ROR2: variants seen among roughly 807,000 people sequenced by gnomAD.
ROR2 encodes the protein tyrosine-protein kinase transmembrane receptor ROR2.
A neutral mutation model predicts 74.9 loss-of-function variants in ROR2; 33 were observed. The ratio of observed to expected loss-of-function variants is 0.44; its 90% confidence interval spans 0.33 to 0.59. The LOEUF (loss-of-function observed/expected upper bound fraction) is 0.59. ROR2 is among the 20% of genes least tolerant of loss of function. The pLI is 0.02. For synonymous variants in ROR2, 586 were observed against 558.7 expected (o/e 1.05, Z -0.69); for missense variants, 1,216 against 1,313.8 (o/e 0.93, Z 1.15).
At chr9:91,940,858 T>C (rs1831832670) in intron 1 of ROR2, among the ~76,000 whole-genome samples, 1 of 152,006 alleles carries the variant, frequency 6.6e-6, no homozygotes, top group Admixed American at 6.6e-5. Flanking sequence ...TTCCTCAGCC[T>C]CCCAAAGTGC....
At chr9:91,763,777 T>C (rs1461346642) in intron 2 of ROR2, among the ~76,000 whole-genome samples, 1 of 152,232 alleles carries the variant, frequency 6.6e-6, no homozygotes, top group Non-Finnish European at 1.5e-5. Flanking sequence ...GACCCAAATA[T>C]TGTGTAATAT....
At chr9:91,780,146 C>T (rs1180969996) in intron 1 of ROR2, among the ~76,000 whole-genome samples, 3 of 152,252 alleles carry the variant, frequency 2.0e-5, no homozygotes, top group Non-Finnish European at 4.4e-5. Context: ...AATCCCATCA[C>T]TTTGGGAGGC....
chr9:91,821,114 AAG>A (rs1828126615), intron 1 of ROR2, among the ~76,000 whole-genome samples: 1 of 151,604 alleles, frequency 6.6e-6, no homozygotes, highest in Non-Finnish European at 1.5e-5. Flanking sequence ...AAAAAAAAAA[AAG>A]AAGGGGAAGT....
intron 1 of ROR2, among the ~76,000 whole-genome samples, chr9:91,820,229 A>G (rs1026807457): frequency 5.3e-5 from 8 of 152,228 alleles, no homozygotes; most frequent in Non-Finnish European, 1.0e-4. Context: ...TAAACAAAAC[A>G]ATGTCTGGGA....
chr9:91,811,680 C>T (rs1432019893), intron 1 of ROR2, among the ~76,000 whole-genome samples: 4 of 152,198 alleles, frequency 2.6e-5, no homozygotes, highest in Admixed American at 6.5e-5. Context: ...GCCGGGGATC[C>T]GACAGCCAGG....
Position 91,757,145 on chromosome 9 carries a change from A to G in ROR2, c.463+127T>C, listed in dbSNP as rs188967497. The G allele has an allele frequency of 3.1e-4, 375 of 1,209,554 alleles. 3 individuals are homozygous for G. The East Asian group carries it at 8.5e-3, about 28-fold the overall frequency. The allele number at this position is 1,209,554 out of a possible 1,614,324, so 74.9% of individuals were successfully genotyped here. ...GGGCACATGGGGAAGGCCCTAGGGA[A>G]CGGTTTCATTGCTCTCCCCTCGTGC... is the stretch of plus-strand genomic sequence containing the variant. On this transcript the variant is annotated intron_variant, in intron 3 of 8. Coordinates refer to ENST00000375708, the MANE Select transcript of ROR2 (RefSeq NM_004560.4).
intron 1 of ROR2, among the ~76,000 whole-genome samples, chr9:91,920,912 T>C (rs187537198): frequency 1.8e-4 from 28 of 152,300 alleles, no homozygotes; most frequent in African/African-American, 6.5e-4. Context: ...AAAATGTAAA[T>C]TGGAGGTTTT....
At chr9:91,785,425 A>G (rs1227852169) in intron 1 of ROR2, among the ~76,000 whole-genome samples, 2 of 152,206 alleles carry the variant, frequency 1.3e-5, no homozygotes, top group Non-Finnish European at 2.9e-5. Flanking sequence ...GTGTGCACAC[A>G]TGCATCTGGT....
At chr9:91,765,132 C>G (rs1015208093) in intron 2 of ROR2, among the ~76,000 whole-genome samples, 2 of 152,038 alleles carry the variant, frequency 1.3e-5, no homozygotes, top group Non-Finnish European at 2.9e-5. Context: ...ATTAAATATC[C>G]TTCTAGGTAT....
rs1564230209 is a variant in ROR2, at chr9:91,725,082, G to A, written c.1412C>T (p.Ser471Phe). 5 of 1,614,024 alleles carry A rather than the reference G, an allele frequency of 3.1e-6. No homozygotes were observed. Among genetic ancestry groups the A allele is most frequent in the Non-Finnish European group, 1.7e-6 (2 of 1,180,036 alleles). The change falls in exon 9 of 9, where the codon TCT becomes TTT. Residue 471 changes from serine (S) to phenylalanine (F), a missense_variant. Ser to Phe is a radical substitution (Grantham distance 155, BLOSUM62 -2). Coordinates refer to ENST00000375708, the MANE Select transcript of ROR2 (RefSeq NM_004560.4). ...CAGCTCCTCCATGAACCTCACCGCA[G>A]ACAGGCTGATCTCTTTGAGTTTGGC... is the stretch of plus-strand genomic sequence containing the variant. ...KQAKLKEISL[S>F]AVRFMEELGE...
At chr9:91,878,323 C>G (rs1415553070) in intron 1 of ROR2, among the ~76,000 whole-genome samples, 2 of 152,176 alleles carry the variant, frequency 1.3e-5, no homozygotes, top group Non-Finnish European at 2.9e-5. Flanking sequence ...CATGGCCCTT[C>G]TTCTCCACCT....
At chr9:91,843,812 G>C (rs918688357) in intron 1 of ROR2, among the ~76,000 whole-genome samples, 18 of 152,248 alleles carry the variant, frequency 1.2e-4, no homozygotes, top group Admixed American at 1.1e-3. Flanking sequence ...TCTCATTGAG[G>C]AATGAGTGAC....
chr9:91,826,627 A>C (rs1034814243), intron 1 of ROR2, among the ~76,000 whole-genome samples: 1 of 151,956 alleles, frequency 6.6e-6, no homozygotes, highest in African/African-American at 2.4e-5. Context: ...TAAAAATACA[A>C]AAAGAAATTA....
intron 8 of ROR2, 53 bp downstream of exon 8, chr9:91,726,486 CCT>C: frequency 1.6e-5 from 24 of 1,486,446 alleles, no homozygotes; most frequent in East Asian, 2.3e-5. Flanking sequence ...GGAAACAACC[CCT>C]GAGGATTAAA....
intron 1 of ROR2, among the ~76,000 whole-genome samples, chr9:91,832,139 CT>C (rs1259445619): frequency 6.6e-6 from 1 of 152,110 alleles, no homozygotes; most frequent in Non-Finnish European, 1.5e-5. Flanking sequence ...GCCCAAGGCA[CT>C]CACAGCCAAT....
intron 1 of ROR2, among the ~76,000 whole-genome samples, chr9:91,807,189 T>A (rs1827596768): frequency 6.6e-6 from 1 of 152,132 alleles, no homozygotes; most frequent in African/African-American, 2.4e-5. Flanking sequence ...CCAATCACAT[T>A]TTGACATGGT....
intron 2 of ROR2, among the ~76,000 whole-genome samples, chr9:91,758,821 G>A (rs952795165): frequency 6.6e-6 from 1 of 152,234 alleles, no homozygotes; most frequent in Non-Finnish European, 1.5e-5. Context: ...ACATGTATGT[G>A]TGTGCCTGCA....
At chr9:91,864,418 C>CA (rs1554685536) in intron 1 of ROR2, among the ~76,000 whole-genome samples, 1 of 152,176 alleles carries the variant, frequency 6.6e-6, no homozygotes, top group Non-Finnish European at 1.5e-5. Context: ...TGGACAGAGA[C>CA]AGGGGAGGGG....
chr9:91,869,714 G>A (rs1829740978), intron 1 of ROR2, among the ~76,000 whole-genome samples: 1 of 152,174 alleles, frequency 6.6e-6, no homozygotes, highest in African/African-American at 2.4e-5. Context: ...AGCTGCAATT[G>A]CTCCATATCC....
Sources: gnomAD v4.1 joint callset for allele counts (sites outside exome capture counted in the v4.1 genomes callset) on GRCh38, gnomAD v4.1.1 for gene constraint, MANE v1.5 for transcripts, NCBI Gene and HGNC (gene_info 2026-07-23, HGNC 2026-07-21) for gene names.